The following CDC42EP1 variants were observed in gnomAD, a reference collection of about 807,000 sequenced individuals.
CDC42EP1 encodes the protein 55 kDa bone marrow stromal/endothelial cell protein.
Under a neutral mutation model 7.4 loss-of-function variants are expected in CDC42EP1, and 6 were observed. The observed-to-expected ratio is 0.81, with a 90% CI of 0.44 to 1.60. CDC42EP1 has a LOEUF of 1.60. Ranked by LOEUF, CDC42EP1 falls within the 40% of genes most tolerant of loss-of-function variation. The pLI is 0.01. For synonymous variants in CDC42EP1, 238 were observed against 227.1 expected, an observed-to-expected ratio of 1.05 and a Z score of -0.43; for missense variants, 567 against 539.0, an observed-to-expected ratio of 1.05 and a Z score of -0.51.
intron 1 of CDC42EP1, among the ~76,000 whole-genome samples, chr22:37,564,040 G>A (rs1925138719): frequency 6.6e-6 from 1 of 152,248 alleles, no homozygotes; most frequent in South Asian, 2.1e-4. Context: ...CCACAAGCCA[G>A]TCAAGGGCTT....
intron 1 of CDC42EP1, among the ~76,000 whole-genome samples, chr22:37,562,572 G>A (rs759893902): frequency 1.1e-4 from 16 of 152,180 alleles, no homozygotes; most frequent in Non-Finnish European, 2.2e-4. Flanking sequence ...GTGCTGTTCC[G>A]TTTTCCACAT....
chr22:37,565,078 C>T (rs928119088), intron 1 of CDC42EP1, among the ~76,000 whole-genome samples: 7 of 152,132 alleles, frequency 4.6e-5, no homozygotes, highest in South Asian at 4.1e-4. Context: ...GCGCCCAGCC[C>T]CTCAGGAGTA....
At position 37,568,786 on chromosome 22, in the gene CDC42EP1, C is replaced by T. The variant is rs138459374; in HGVS notation, c.1142C>T (p.Ala381Val). The T allele has an allele frequency of 2.7e-6, 4 of 1,493,082 alleles. No homozygotes were observed. Among genetic ancestry groups the T allele is most frequent in the African/African-American group, 1.4e-5 (1 of 71,078 alleles). The allele number at this position is 1,493,082 out of a possible 1,614,324, so 92.5% of individuals were successfully genotyped here. Residue 381 changes from alanine (A) to valine (V), a missense_variant, in exon 3 of 3, where the codon GCG (alanine) becomes GTG (valine). Transcript: ENST00000249014. ...GTGCAAGCAAACACCTTTGAATTTGCGGATGCTGAGGAGGATGATGAGGTC... is the reference window on the plus strand; with the variant it reads ...GTGCAAGCAAACACCTTTGAATTTGTGGATGCTGAGGAGGATGATGAGGTC... ...STVQANTFEF[A>V]DAEEDDEVKV is the part of the protein sequence containing the mutation.
At chr22:37,568,006 C>CTA in intron 2 of CDC42EP1, 102 bp from the exon 3 acceptor site, 1 of 955,576 alleles carries the variant, frequency 1.0e-6, no homozygotes, top group Admixed American at 2.2e-5. Flanking sequence ...AGGGGAGGGA[C>CTA]TAGCCAGAGG....
At chr22:37,561,388 C>A (rs1925035023) in intron 1 of CDC42EP1, among the ~76,000 whole-genome samples, 1 of 152,238 alleles carries the variant, frequency 6.6e-6, no homozygotes, top group East Asian at 1.9e-4. Context: ...CGCTCCGTCT[C>A]GCTCGGTCCC....
chr22:37,567,857 A>T (rs765375725), intron 2 of CDC42EP1, among the ~76,000 whole-genome samples: 1 of 152,210 alleles, frequency 6.6e-6, no homozygotes, highest in South Asian at 2.1e-4. Context: ...GCCCCATCCC[A>T]AACTGAGCCT....
rs564559401 is a variant in CDC42EP1, at chr22:37,568,903, G to A, written c.*83G>A. 1.4e-5 allele frequency: 14 copies of A among 980,324 alleles called. No homozygotes were observed. Among genetic ancestry groups the A allele is most frequent in the African/African-American group, 1.2e-4 (7 of 60,774 alleles). 60.7% of individuals were successfully genotyped at this position (980,324 alleles called of 1,614,324 possible). On this transcript the variant is annotated 3_prime_UTR_variant, in exon 3 of 3. Transcript: ENST00000249014. ...CAGCTGGTTCCTACCAGACCGGAGAGGGGAGAAGTCATGTTGCCCCTAAAC... is the reference window on the plus strand; with the variant it reads ...CAGCTGGTTCCTACCAGACCGGAGAAGGGAGAAGTCATGTTGCCCCTAAAC...
chr22:37,565,062 G>A lies in CDC42EP1; in HGVS notation c.-278-1010G>A, dbSNP rs143025839. ...CAAAGTGCTGGGAATACAGGCGTGA[G>A]CCACCGCGCCCAGCCCCTCAGGAGT... On this transcript the variant is annotated intron_variant, in intron 1 of 2. Coordinates refer to ENST00000249014, the MANE Select transcript of CDC42EP1 (RefSeq NM_152243.3). Among the ~76,000 whole-genome samples the A allele has an allele frequency of 8.2e-3, 1,247 of 152,266 alleles. 27 individuals are homozygous for A. The highest frequency in any genetic ancestry group is 0.028 in the African/African-American group (1,179 of 41,562).
chr22:37,562,764 G>C (rs1169510658), intron 1 of CDC42EP1, among the ~76,000 whole-genome samples: 3 of 138,598 alleles, frequency 2.2e-5, no homozygotes, highest in Non-Finnish European at 3.2e-5. Flanking sequence ...GTGACCATGG[G>C]GGTTCAGGGG....
At chr22:37,560,726 G>C (rs1464416350) in intron 1 of CDC42EP1, 138 bp downstream of exon 1, 13 of 151,716 alleles carry the variant, frequency 8.6e-5, no homozygotes, top group Non-Finnish European at 1.8e-4. Flanking sequence ...GGCGCCCCCG[G>C]GTGCCCACAG....
At chr22:37,563,531 G>C (rs1363317938) in intron 1 of CDC42EP1, 1 of 152,164 alleles carries the variant, frequency 6.6e-6, no homozygotes, top group East Asian at 1.9e-4. Context: ...GGTTGGGGGA[G>C]GATCAGATGG....
chr22:37,566,294 CT>C lies in CDC42EP1; in HGVS notation c.-55del. ...AGCAGCCATCCCAAGCCCAGCCCAC[CT>C]CCCTCCCCCGGCCCCTGGTAGGCAT... On this transcript the variant is annotated 5_prime_UTR_variant, in exon 2 of 3. Coordinates refer to ENST00000249014, the MANE Select transcript of CDC42EP1 (RefSeq NM_152243.3). The surrounding 1 kb of genome is among the most constrained non-coding windows in gnomAD (Gnocchi z 6.4). 1 of 918,688 alleles carries C rather than the reference CT, an allele frequency of 1.1e-6. No individual in the cohort carries two copies. 56.9% of individuals were successfully genotyped at this position (918,688 alleles called of 1,614,324 possible).
At chr22:37,564,341 G>A (rs1417762191) in intron 1 of CDC42EP1, 1 of 152,230 alleles carries the variant, frequency 6.6e-6, no homozygotes, top group Non-Finnish European at 1.5e-5. Context: ...CTCCCTGACA[G>A]CAAGGCTCCT....
At chr22:37,563,861 A>C (rs1347580111) in intron 1 of CDC42EP1, 1 of 152,218 alleles carries the variant, frequency 6.6e-6, no homozygotes, top group African/African-American at 2.4e-5. Flanking sequence ...GGCCAGGGTG[A>C]TGTTTTGGCA....
intron 2 of CDC42EP1, among the ~76,000 whole-genome samples, chr22:37,567,141 C>T (rs922927227): frequency 6.6e-6 from 1 of 152,122 alleles, no homozygotes; most frequent in Non-Finnish European, 1.5e-5. Flanking sequence ...CCCCTCATGT[C>T]GGAATGATAT....
At chr22:37,563,194 A>G (rs1007881151) in intron 1 of CDC42EP1, among the ~76,000 whole-genome samples, 3 of 151,984 alleles carry the variant, frequency 2.0e-5, no homozygotes, top group African/African-American at 7.3e-5. Flanking sequence ...GACATTGTAC[A>G]GAGGAACACC....
chr22:37,568,138 G>A lies in CDC42EP1; in HGVS notation c.494G>A (p.Arg165His), dbSNP rs138703284. 1.9e-5 allele frequency: 30 copies of A among 1,613,686 alleles called. No homozygotes were observed. Among genetic ancestry groups the A allele is most frequent in the Middle Eastern group, 1.7e-4 (1 of 6,060 alleles). ...GACTCTGGGTTCTGCACCATCTCCC[G>A]CCTGCCCCGCTCGGAAAAGCCGCAT... is the stretch of plus-strand genomic sequence containing the variant. ...GLDSGFCTIS[R>H]LPRSEKPHDR... Residue 165 changes from arginine (R) to histidine (H), a missense_variant, in exon 3 of 3, where the codon CGC becomes CAC. Arg to His is a conservative substitution (Grantham distance 29, BLOSUM62 0). Coordinates refer to ENST00000249014, the MANE Select transcript of CDC42EP1 (RefSeq NM_152243.3).
intron 2 of CDC42EP1, 71 bp from the exon 3 acceptor site, chr22:37,568,037 G>T (rs1925307667): frequency 1.5e-6 from 2 of 1,360,968 alleles, no homozygotes; most frequent in Non-Finnish European, 2.1e-6. Context: ...AGCCAGGACT[G>T]GTCCTGTCTC....
At chr22:37,562,944 C>G (rs531374136) in intron 1 of CDC42EP1, among the ~76,000 whole-genome samples, 30 of 152,004 alleles carry the variant, frequency 2.0e-4, no homozygotes, top group Non-Finnish European at 3.5e-4. Flanking sequence ...CCTGTCCTTA[C>G]AAAAAGTGGA....
Sources: allele counts gnomAD v4.1 joint callset (sites outside exome capture counted in the v4.1 genomes callset), GRCh38; gene constraint gnomAD v4.1.1; non-coding constraint Gnocchi (gnomAD v3.1); transcripts MANE v1.5; gene names NCBI Gene and HGNC (gene_info 2026-07-23, HGNC 2026-07-21).